VSIG4: variants seen among roughly 807,000 people sequenced by gnomAD.
The protein encoded by VSIG4 is V-set and immunoglobulin domain-containing protein 4.
A neutral mutation model predicts 23.4 loss-of-function variants in VSIG4; 34 were observed. The observed-to-expected ratio is 1.45, with a 90% CI of 1.10 to 1.93. The LOEUF is 1.93. Ranked by LOEUF, VSIG4 falls within the 30% of genes most tolerant of loss-of-function variation. VSIG4 has a pLI of 0.00. For synonymous variants in VSIG4, 169 were observed against 120.3 expected, an observed-to-expected ratio of 1.41 and a Z score of -2.65; for missense variants, 433 against 310.8, an observed-to-expected ratio of 1.39 and a Z score of -2.96.
Position 66,022,170 on chromosome X carries a change from T to C in VSIG4, c.*93A>G, listed in dbSNP as rs1246151526. The C allele has an allele frequency of 3.3e-6, 4 of 1,205,976 alleles. No individual in the cohort carries two copies. The highest frequency in any genetic ancestry group is 1.7e-5 in the African/African-American group (1 of 57,234). On this transcript the variant is annotated 3_prime_UTR_variant, in exon 8 of 8. Coordinates refer to ENST00000374737, the MANE Select transcript of VSIG4 (RefSeq NM_007268.3). Reference sequence around the variant, plus strand: ...GTTGGTAGGCGGACACTTTGGGCTATCCAGGAAGAGAGGTAGCAGGGAAGA... The same window carrying C: ...GTTGGTAGGCGGACACTTTGGGCTACCCAGGAAGAGAGGTAGCAGGGAAGA...
At position 66,033,388 on chromosome X, in the gene VSIG4, C is replaced by T; in HGVS notation, c.412+86G>A. 6.9e-6 allele frequency: 6 copies of T among 872,133 alleles called. No homozygotes were observed. The South Asian group carries it at 1.2e-4, about 17-fold the overall frequency. 71.9% of individuals were successfully genotyped at this position (872,133 alleles called of 1,213,427 possible). A position where few individuals can be genotyped will look rare whatever the true frequency, so the allele number is the denominator to read the frequency against. On this transcript the variant is annotated intron_variant, in intron 2 of 7. Transcript: ENST00000374737. ...TGGAGAGCCTCTGTATAAACGAAGGCCTCTGGATTTTTCAGGCTTTTCTAG... is the reference window on the plus strand; with the variant it reads ...TGGAGAGCCTCTGTATAAACGAAGGTCTCTGGATTTTTCAGGCTTTTCTAG...
chrX:66,032,535 A>G lies in VSIG4; in HGVS notation c.627T>C (p.Tyr209=), dbSNP rs773888549. The G allele has an allele frequency of 1.2e-5, 15 of 1,210,360 alleles. No homozygotes were observed. In the Middle Eastern group the frequency reaches 6.9e-4, roughly 56 times the overall value. The change falls in exon 3 of 8, where the codon TAT becomes TAC. Residue 209 remains tyrosine (Y), a synonymous_variant. Transcript: ENST00000374737. ...KPAVIADSGS[Y]FCTAKGQVGS... ...CAACCTGGCCCTTGGCAGTGCAGAA[A>G]TAGGAGCCTGAGTCGGCTATCACCG...
Position 66,021,998 on chromosome X carries a change from G to A in VSIG4, c.*265C>T. 1 of 1,076,058 alleles carries A rather than the reference G, an allele frequency of 9.3e-7. No homozygotes were observed. Among genetic ancestry groups the A allele is most frequent in the Non-Finnish European group, 1.3e-6 (1 of 797,403 alleles). The allele number at this position is 1,076,058 out of a possible 1,213,427, so 88.7% of individuals were successfully genotyped here. On this transcript the variant is annotated 3_prime_UTR_variant, in exon 8 of 8. Transcript: ENST00000374737. ...TGATGACCAAGTCCTAGTGCTATGG[G>A]CATCTTCCCTCTGGTATTTAGAGAG...
chrX:66,035,879 T>C (rs2085532167), intron 1 of VSIG4, among the ~76,000 whole-genome samples: 1 of 112,527 alleles, frequency 8.9e-6, no homozygotes, highest in African/African-American at 3.2e-5. Context: ...CCTTTGTCTA[T>C]GCATATGCAG....
chrX:66,035,173 A>G (rs1208072036), intron 1 of VSIG4, among the ~76,000 whole-genome samples: 3 of 111,312 alleles, frequency 2.7e-5, no homozygotes, highest in Non-Finnish European at 5.7e-5. Flanking sequence ...TTTAGTCAAG[A>G]AAAAGCCCTT....
chrX:66,036,828 TATA>T (rs1370377996), intron 1 of VSIG4, among the ~76,000 whole-genome samples: 4 of 39,352 alleles, frequency 1.0e-4, no homozygotes, highest in African/African-American at 4.8e-4. Context: ...TTATTATATA[TATA>T]ATATGTTATA....
rs368385108 is a variant in VSIG4, at chrX:66,033,532, C to T, written c.354G>A (p.Gln118=). Reference sequence around the variant, plus strand: ...TCACGACTTGGTTGCCATCAGGAGTCTGCCAGGTGACTTCACACGTGTAGT... The same window carrying T: ...TCACGACTTGGTTGCCATCAGGAGTTTGCCAGGTGACTTCACACGTGTAGT... The part of the protein sequence containing the change: ...RSHYTCEVTW[Q]TPDGNQVVRD... Residue 118 remains glutamine (Q), a synonymous_variant, in exon 2 of 8, where the codon CAG becomes CAA. Transcript: ENST00000374737. The T allele has an allele frequency of 1.2e-5, 14 of 1,209,655 alleles. No homozygotes were observed. Among genetic ancestry groups the T allele is most frequent in the Non-Finnish European group, 1.5e-5 (13 of 895,059 alleles).
intron 6 of VSIG4, among the ~76,000 whole-genome samples, chrX:66,023,255 G>T (rs1210067063): frequency 9.1e-6 from 1 of 110,473 alleles, no homozygotes; most frequent in Non-Finnish European, 1.9e-5. Flanking sequence ...GAAGGGACTG[G>T]ATTAGCCTGA....
intron 1 of VSIG4, among the ~76,000 whole-genome samples, chrX:66,036,671 A>G (rs1569244782): frequency 4.7e-5 from 3 of 63,682 alleles, no homozygotes; most frequent in East Asian, 4.6e-4. Context: ...AATATAATAT[A>G]ATATATATAA....
rs1288145803 is a variant in VSIG4, at chrX:66,036,757, A to AT, written c.56-2928dup. ...TTATAATATATTAATAATATATAAT[A>AT]TAATATAATATATATTATATTATAT... is the stretch of plus-strand genomic sequence containing the variant. On this transcript the variant is annotated intron_variant, in intron 1 of 7. Coordinates refer to ENST00000374737, the MANE Select transcript of VSIG4 (RefSeq NM_007268.3). Among the ~76,000 whole-genome samples the AT allele has an allele frequency of 3.8e-3, 168 of 43,888 alleles. 6 individuals are homozygous for AT. The highest frequency in any genetic ancestry group is 0.017 in the African/African-American group (158 of 9,553). The allele number at this position is 43,888 out of a possible 115,157, so 38.1% of individuals were successfully genotyped here.
chrX:66,029,266 G>A (rs1198331558), intron 3 of VSIG4, among the ~76,000 whole-genome samples: 2 of 111,459 alleles, frequency 1.8e-5, no homozygotes, highest in East Asian at 5.6e-4. Context: ...TTTTGAGAAA[G>A]GTTTACTTCC....
chrX:66,037,417 A>C (rs2085616904), intron 1 of VSIG4, among the ~76,000 whole-genome samples: 1 of 41,951 alleles, frequency 2.4e-5, no homozygotes, highest in African/African-American at 1.2e-4. Flanking sequence ...AATATATAAT[A>C]TATATCATAT....
intron 1 of VSIG4, among the ~76,000 whole-genome samples, chrX:66,034,080 G>A (rs761168363): frequency 2.7e-5 from 3 of 111,579 alleles, no homozygotes; most frequent in African/African-American, 9.8e-5. Context: ...TTACTGTCTT[G>A]CTATGAAGGT....
rs774455229 is a variant in VSIG4 at position 66,022,275 on chromosome X, T to G, written c.1188A>C (p.Lys396Asn). The G allele has an allele frequency of 1.7e-6, 2 of 1,211,947 alleles. No homozygotes were observed. Among genetic ancestry groups the G allele is most frequent in the Non-Finnish European group, 2.2e-6 (2 of 895,491 alleles). ...LDYEFLATEGKSVC is the reference protein window; with the variant it reads ...LDYEFLATEGNSVC ...TAATGGGGCATTTTTAACAGACACT[T>G]TTGCCCTCAGTGGCCAGAAACTCAT... The change falls in exon 8 of 8, where the codon AAA (lysine) becomes AAC (asparagine). Residue 396 changes from lysine to asparagine, a missense_variant. By Grantham distance (94) the Lys-to-Asn change is moderately conservative. Coordinates refer to ENST00000374737, the MANE Select transcript of VSIG4 (RefSeq NM_007268.3).
chrX:66,023,142 G>C (rs947018636), intron 6 of VSIG4, among the ~76,000 whole-genome samples: 4 of 110,748 alleles, frequency 3.6e-5, no homozygotes, highest in African/African-American at 1.3e-4. Flanking sequence ...TATGGGTTGG[G>C]GGAGGGCACT....
At chrX:66,027,282 A>G (rs1438228399) in intron 5 of VSIG4, among the ~76,000 whole-genome samples, 167 bp downstream of exon 5, 1 of 111,886 alleles carries the variant, frequency 8.9e-6, no homozygotes, top group Non-Finnish European at 1.9e-5. Flanking sequence ...CTCTCTCTCT[A>G]CATCCTACCC....
chrX:66,036,764 A>ATATT (rs2085555600), intron 1 of VSIG4, among the ~76,000 whole-genome samples: 1 of 42,980 alleles, frequency 2.3e-5, no homozygotes, highest in Non-Finnish European at 3.6e-5. Context: ...AATATAATAT[A>ATATT]ATATATATTA....
chrX:66,022,697 G>A, intron 7 of VSIG4, 144 bp downstream of exon 7: 1 of 1,145,297 alleles, frequency 8.7e-7, no homozygotes, highest in Non-Finnish European at 1.2e-6. Flanking sequence ...CCTGAGAGAG[G>A]GAAGGCAGCT....
At position 66,028,040 on chromosome X, in the gene VSIG4, C is replaced by A. The variant is rs1404756443; in HGVS notation, c.757+10G>T. 1 of 1,208,650 alleles carries A rather than the reference C, an allele frequency of 8.3e-7. No homozygotes were observed. Among genetic ancestry groups the A allele is most frequent in the East Asian group, 3.0e-5 (1 of 33,816 alleles). On this transcript the variant is annotated intron_variant, in intron 4 of 7. Transcript: ENST00000374737. The stretch of plus-strand genomic sequence containing the variant: ...CCTCTACTACTTCCTCAGACTCTAG[C>A]AAAACTCACCTTTCAAGGGGTATGT...
Sources: gnomAD v4.1 joint callset for allele counts (sites outside exome capture counted in the v4.1 genomes callset) on GRCh38, gnomAD v4.1.1 for gene constraint, MANE v1.5 for transcripts, NCBI Gene and HGNC (gene_info 2026-07-23, HGNC 2026-07-21) for gene names.